Variants in AKAP6 observed in about 807,000 individuals in gnomAD.
AKAP6 encodes the protein A-kinase anchoring protein 6.
A neutral mutation model predicts 188.5 loss-of-function variants in AKAP6; 58 were observed. The observed-to-expected ratio is 0.31, with a 90% CI of 0.25 to 0.38. AKAP6 has a LOEUF of 0.38. Among genes scored for constraint, AKAP6 ranks in the 10% least tolerant of loss-of-function variants. The probability of loss-of-function intolerance (pLI) is 1.00; values close to 1 mark genes in which losing one functional copy is unlikely to be tolerated. For synonymous variants in AKAP6, 989 were observed against 998.6 expected (o/e 0.99, Z 0.18); for missense variants, 2,710 against 2,740.0 (o/e 0.99, Z 0.24).
intron 2 of AKAP6, among the ~76,000 whole-genome samples, chr14:32,493,801 TTCTAAACCAGC>T (rs1258462962): frequency 6.6e-6 from 1 of 152,178 alleles, no homozygotes; most frequent in Non-Finnish European, 1.5e-5. Flanking sequence ...CCCAGTGCTG[TTCTAAACCAGC>T]TCTGCAGAGA....
chr14:32,483,667 G>A (rs8005890), intron 2 of AKAP6, among the ~76,000 whole-genome samples: 94,797 of 151,618 alleles, frequency 0.63, 30,902 homozygotes, highest in East Asian at 0.86. Flanking sequence ...TATTTTTAGT[G>A]GAGACGGGGT....
intron 7 of AKAP6, among the ~76,000 whole-genome samples, chr14:32,674,510 A>T (rs1336906837): frequency 6.6e-6 from 1 of 152,188 alleles, no homozygotes; most frequent in Non-Finnish European, 1.5e-5. Context: ...CAACTTAGGG[A>T]ATAACCTGCT....
chr14:32,648,033 C>T (rs1888056306), intron 7 of AKAP6, among the ~76,000 whole-genome samples: 1 of 152,030 alleles, frequency 6.6e-6, no homozygotes, highest in African/African-American at 2.4e-5. Flanking sequence ...CAGTATAATT[C>T]CCTTAATTGT....
chr14:32,395,826 C>T (rs1435453524), intron 1 of AKAP6, among the ~76,000 whole-genome samples: 2 of 152,122 alleles, frequency 1.3e-5, no homozygotes, highest in African/African-American at 2.4e-5. Context: ...TCTATTATTG[C>T]CCACTGCATA....
chr14:32,621,488 G>A (rs1374270182), intron 7 of AKAP6, among the ~76,000 whole-genome samples: 1 of 151,914 alleles, frequency 6.6e-6, no homozygotes. Flanking sequence ...TAATTTTAAG[G>A]GGTTTTTTGG....
rs370117011 is a variant in AKAP6, at chr14:32,773,769, A to G, written c.3464A>G (p.Asn1155Ser). 1.6e-5 allele frequency: 26 copies of G among 1,614,018 alleles called. No homozygotes were observed. In the East Asian group the frequency reaches 2.2e-4, roughly 14 times the overall value. The change falls in exon 12 of 14, where the codon AAT (asparagine) becomes AGT (serine). Residue 1155 changes from asparagine to serine, a missense_variant. By Grantham distance (46) the Asn-to-Ser change is conservative. This residue lies in a region of AKAP6 where 2,473 missense variants were observed against 2,426.1 expected (regional missense o/e 1.02). Coordinates refer to ENST00000280979, the MANE Select transcript of AKAP6 (RefSeq NM_004274.5). ...QHLLDDRETCNLNADHQPMQL... is the reference protein window; with the variant it reads ...QHLLDDRETCSLNADHQPMQL... ...CTTTTGGATGACCGGGAGACTTGCAATCTGAATGCAGACCACCAGCCCATG... is the reference window on the plus strand; with the variant it reads ...CTTTTGGATGACCGGGAGACTTGCAGTCTGAATGCAGACCACCAGCCCATG...
At chr14:32,406,346 A>G (rs1012375702) in intron 1 of AKAP6, among the ~76,000 whole-genome samples, 2 of 152,040 alleles carry the variant, frequency 1.3e-5, no homozygotes, top group African/African-American at 4.8e-5. Flanking sequence ...AGTAGCTGGG[A>G]TTACAGGCAT....
intron 7 of AKAP6, among the ~76,000 whole-genome samples, chr14:32,658,878 A>G (rs1416959999): frequency 6.6e-6 from 1 of 151,640 alleles, no homozygotes; most frequent in Non-Finnish European, 1.5e-5. Context: ...TTCTTCCATT[A>G]AGTATTTTCC....
At chr14:32,511,678 C>T (rs2139025953) in intron 2 of AKAP6, among the ~76,000 whole-genome samples, 1 of 152,250 alleles carries the variant, frequency 6.6e-6, no homozygotes, top group African/African-American at 2.4e-5. Context: ...TTGATAACCC[C>T]TTTATATATT....
chr14:32,624,900 G>A (rs1320758331), intron 7 of AKAP6, among the ~76,000 whole-genome samples: 1 of 151,990 alleles, frequency 6.6e-6, no homozygotes, highest in Admixed American at 6.6e-5. Context: ...ATTAAAACAA[G>A]TAGAATAATA....
chr14:32,494,061 T>C (rs930440909), intron 2 of AKAP6, among the ~76,000 whole-genome samples: 2 of 152,184 alleles, frequency 1.3e-5, no homozygotes, highest in Non-Finnish European at 2.9e-5. Flanking sequence ...TCCACTTTGG[T>C]GTTCTCTCTT....
chr14:32,810,142 CTT>C lies in AKAP6; in HGVS notation c.3589-11259_3589-11258del, dbSNP rs33990966. On this transcript the variant is annotated intron_variant, in intron 12 of 13. Transcript: ENST00000280979. The stretch of plus-strand genomic sequence containing the variant: ...TGTGCGATCAACTCAGTCATAGTCT[CTT>C]AGTTGCTAGCTCAAGGCCCCATATC... 3.7e-3 allele frequency among the ~76,000 whole-genome samples: 559 copies of C among 152,192 alleles called. 5 individuals are homozygous for C. Among genetic ancestry groups the C allele is most frequent in the African/African-American group, 0.013 (531 of 41,506 alleles).
At chr14:32,379,414 G>A (rs1006218582) in intron 1 of AKAP6, among the ~76,000 whole-genome samples, 2 of 152,114 alleles carry the variant, frequency 1.3e-5, no homozygotes, top group Non-Finnish European at 1.5e-5. Flanking sequence ...ACACAGAGTT[G>A]CCTGAGGAAG....
At chr14:32,776,899 G>A (rs2033084752) in intron 12 of AKAP6, among the ~76,000 whole-genome samples, 1 of 152,124 alleles carries the variant, frequency 6.6e-6, no homozygotes, top group Admixed American at 6.5e-5. Flanking sequence ...AGAGGAAAGG[G>A]CTACACAGAC....
At chr14:32,491,208 G>A (rs1879996030) in intron 2 of AKAP6, among the ~76,000 whole-genome samples, 1 of 152,146 alleles carries the variant, frequency 6.6e-6, no homozygotes. Flanking sequence ...GAAATGAAGA[G>A]TTATTTATCC....
At position 32,546,556 on chromosome 14, in the gene AKAP6, T is replaced by C; in HGVS notation, c.1903T>C (p.Ser635Pro). 6.2e-7 allele frequency: 1 copy of C among 1,614,150 alleles called. No homozygotes were observed. The highest frequency in any genetic ancestry group is 8.5e-7 in the Non-Finnish European group (1 of 1,180,026). Residue 635 changes from serine (S) to proline (P), a missense_variant, in exon 4 of 14, where the codon TCT becomes CCT. Around this residue, in one of 2 missense-constraint regions of AKAP6, gnomAD observed 2,473 missense variants for 2,426.1 expected, o/e 1.02. Transcript: ENST00000280979. ...CTCTGATGAATACCTAGCACTGCCCTCTCACCTTAAGCAGACAGAAGTATT... is the reference window on the plus strand; with the variant it reads ...CTCTGATGAATACCTAGCACTGCCCCCTCACCTTAAGCAGACAGAAGTATT... Reference protein sequence around the residue: ...YGSDEYLALPSHLKQTEVLAL... With the variant: ...YGSDEYLALPPHLKQTEVLAL...
intron 11 of AKAP6, among the ~76,000 whole-genome samples, chr14:32,760,775 T>C (rs1041316173): frequency 3.9e-5 from 6 of 152,248 alleles, no homozygotes; most frequent in African/African-American, 1.4e-4. Context: ...GAGTGTTTGA[T>C]GAATGAAGTT....
intron 12 of AKAP6, among the ~76,000 whole-genome samples, chr14:32,787,893 A>AC (rs1427154303): frequency 6.6e-6 from 1 of 151,930 alleles, no homozygotes; most frequent in Non-Finnish European, 1.5e-5. Flanking sequence ...TCCTGTTTCC[A>AC]CTTATTACAG....
intron 5 of AKAP6, among the ~76,000 whole-genome samples, chr14:32,577,776 G>C (rs922585489): frequency 3.3e-5 from 5 of 152,074 alleles, no homozygotes; most frequent in Non-Finnish European, 7.4e-5. Context: ...CCTGTGCATA[G>C]AGAAAACCAT....
Sources: allele counts gnomAD v4.1 joint callset (sites outside exome capture counted in the v4.1 genomes callset), GRCh38; gene constraint gnomAD v4.1.1; regional missense constraint gnomAD v4.1.1; transcripts MANE v1.5; gene names NCBI Gene and HGNC (gene_info 2026-07-23, HGNC 2026-07-21).